Variants in MCOLN2 observed in about 807,000 individuals in gnomAD.
MCOLN2 encodes mucolipin TRP cation channel 2.
In MCOLN2, 57 loss-of-function variants were observed where a neutral mutation model predicts 67.5. That is an observed-to-expected ratio of 0.84 (90% confidence interval 0.68 to 1.05). MCOLN2 has a LOEUF of 1.05. Among genes scored for constraint, MCOLN2 ranks in the 50% least tolerant of loss-of-function variants. The pLI, the probability that MCOLN2 is intolerant of heterozygous loss-of-function variation, is 0.00. For missense variants in MCOLN2, 620 were observed against 678.8 expected, an observed-to-expected ratio of 0.91 and a Z score of 0.96; for synonymous variants, 246 against 233.3, an observed-to-expected ratio of 1.05 and a Z score of -0.50.
intron 11 of MCOLN2, among the ~76,000 whole-genome samples, chr1:84,934,023 C>G (rs1647297308): frequency 6.6e-6 from 1 of 152,160 alleles, no homozygotes. Flanking sequence ...TAGAAGTGAG[C>G]TTAAAAATAC....
In MCOLN2 at chr1:84,996,393, C is replaced by CATATATATATATATAT. The variant is rs6143310; in HGVS notation, c.77+387_77+402dup. Reference sequence around the variant, plus strand: ...CACACTTACACATACGTATATATTTCATATATATATATATATATATATATA... The same window carrying CATATATATATATATAT: ...CACACTTACACATACGTATATATTTCATATATATATATATATATATATATATATATATATATATATA... On this transcript the variant is annotated intron_variant, in intron 1 of 13. Transcript: ENST00000370608. Among the ~76,000 whole-genome samples, 296 of 123,730 alleles carry CATATATATATATATAT rather than the reference C, an allele frequency of 2.4e-3. 7 individuals carry two copies. The highest frequency in any genetic ancestry group is 4.2e-3 in the Middle Eastern group (1 of 236). The allele number at this position is 123,730 out of a possible 152,430, so 81.2% of individuals were successfully genotyped here.
At chr1:84,941,055 A>C (rs2102816589) in intron 7 of MCOLN2, 64 bp from the exon 8 acceptor site, 1 of 1,039,352 alleles carries the variant, frequency 9.6e-7, no homozygotes, top group East Asian at 2.6e-5. Flanking sequence ...TCCAAACAAA[A>C]TGGCAGTGTG....
At chr1:84,930,853 A>G (rs962583375) in intron 12 of MCOLN2, among the ~76,000 whole-genome samples, 16 of 152,208 alleles carry the variant, frequency 1.1e-4, no homozygotes, top group Admixed American at 9.2e-4. Context: ...TAAATGGCCT[A>G]GTCTGAAAGG....
chr1:84,940,801 A>G (rs779042923), intron 8 of MCOLN2, 78 bp downstream of exon 8: 14 of 870,984 alleles, frequency 1.6e-5, no homozygotes, highest in Admixed American at 2.5e-5. Flanking sequence ...GCAGGTGCAC[A>G]ATATCGGTGG....
At chr1:84,965,412 C>A in intron 2 of MCOLN2, 137 bp downstream of exon 2, 1 of 853,132 alleles carries the variant, frequency 1.2e-6, no homozygotes, top group Non-Finnish European at 1.8e-6. Context: ...CTAGCCTCTG[C>A]TCTCCAGAGT....
intron 8 of MCOLN2, 115 bp downstream of exon 8, chr1:84,940,758 GGAATCT>G (rs1647722353): frequency 3.2e-6 from 2 of 627,896 alleles, no homozygotes; most frequent in Non-Finnish European, 5.7e-6. Flanking sequence ...ACTACTCAAA[GGAATCT>G]GATTTAGTCA....
At chr1:84,995,070 C>T (rs1651081432) in intron 1 of MCOLN2, among the ~76,000 whole-genome samples, 1 of 152,110 alleles carries the variant, frequency 6.6e-6, no homozygotes, top group South Asian at 2.1e-4. Context: ...AGTCAGAACA[C>T]ATACAACATT....
intron 1 of MCOLN2, among the ~76,000 whole-genome samples, chr1:84,996,393 CATAT>C (rs6143310): frequency 0.013 from 1,613 of 123,718 alleles, 53 homozygotes; most frequent in African/African-American, 0.048. Flanking sequence ...GTATATATTT[CATAT>C]ATATATATAT....
At chr1:84,945,196 A>G (rs1254277738) in intron 7 of MCOLN2, among the ~76,000 whole-genome samples, 9 of 152,206 alleles carry the variant, frequency 5.9e-5, no homozygotes, top group African/African-American at 2.2e-4. Flanking sequence ...GGAGGGCAGC[A>G]GGCGGAAGGA....
intron 11 of MCOLN2, among the ~76,000 whole-genome samples, chr1:84,933,317 C>T (rs927573965): frequency 7.2e-5 from 11 of 152,092 alleles, no homozygotes; most frequent in African/African-American, 1.4e-4. Context: ...CTACCAGCCA[C>T]GTGGCTGGAC....
intron 8 of MCOLN2, 119 bp downstream of exon 8, chr1:84,940,760 A>T: frequency 1.6e-6 from 1 of 631,504 alleles, no homozygotes; most frequent in Non-Finnish European, 2.8e-6. Flanking sequence ...TACTCAAAGG[A>T]ATCTGATTTA....
intron 1 of MCOLN2, among the ~76,000 whole-genome samples, chr1:84,992,953 A>T (rs1256999368): frequency 6.6e-6 from 1 of 152,200 alleles, no homozygotes; most frequent in Non-Finnish European, 1.5e-5. Context: ...AGTCTGATAT[A>T]TCAATTAACT....
At chr1:84,983,878 T>C (rs1160830595) in intron 1 of MCOLN2, among the ~76,000 whole-genome samples, 14 of 152,060 alleles carry the variant, frequency 9.2e-5, no homozygotes, top group Non-Finnish European at 1.8e-4. Context: ...GGTTTCACCA[T>C]GTTGGCCAAG....
chr1:84,988,437 A>G (rs1042497249), intron 1 of MCOLN2, among the ~76,000 whole-genome samples: 3 of 152,196 alleles, frequency 2.0e-5, no homozygotes, highest in African/African-American at 7.2e-5. Context: ...TGAACTGGGC[A>G]TCAAGATTTT....
chr1:84,954,339 A>T, intron 4 of MCOLN2, among the ~76,000 whole-genome samples: 1 of 152,206 alleles, frequency 6.6e-6, no homozygotes, highest in East Asian at 1.9e-4. Context: ...TCCTGACTAG[A>T]CCTTAATTAG....
intron 13 of MCOLN2, among the ~76,000 whole-genome samples, chr1:84,928,435 T>A (rs1306522495): frequency 6.6e-6 from 1 of 152,190 alleles, no homozygotes; most frequent in African/African-American, 2.4e-5. Flanking sequence ...TAGGGCTGCA[T>A]GACAAAACAT....
At chr1:84,965,469 A>G in intron 2 of MCOLN2, 80 bp downstream of exon 2, 1 of 1,468,394 alleles carries the variant, frequency 6.8e-7, no homozygotes, top group Non-Finnish European at 9.2e-7. Flanking sequence ...TTTTCAGAAC[A>G]AAAGTCAAGT....
chr1:84,991,764 G>A (rs1013353215), intron 1 of MCOLN2, among the ~76,000 whole-genome samples: 1 of 152,104 alleles, frequency 6.6e-6, no homozygotes, highest in Non-Finnish European at 1.5e-5. Context: ...AGCAGAACTA[G>A]GGCTGCATAC....
chr1:84,937,825 G>A lies in MCOLN2; in HGVS notation c.1265C>T (p.Ala422Val). 1 of 1,614,156 alleles carries A rather than the reference G, an allele frequency of 6.2e-7. No individual in the cohort carries two copies. The highest frequency in any genetic ancestry group is 1.3e-5 in the African/African-American group (1 of 75,024). The change falls in exon 11 of 14, where the codon GCT becomes GTT. Residue 422 changes from alanine to valine, a missense_variant. Physicochemically the swap from Ala to Val is moderately conservative, Grantham distance 64. Coordinates refer to ENST00000370608, the MANE Select transcript of MCOLN2 (RefSeq NM_153259.4). ...ACCCAGATAAATCATACCAGCACAA[G>A]CACAAAACCGAAGAACTTTTGGCAG... The part of the protein sequence containing the change: ...ASLPKVLRFC[A>V]CAGMIYLGYT...
Sources: gnomAD v4.1 joint callset for allele counts (sites outside exome capture counted in the v4.1 genomes callset) on GRCh38, gnomAD v4.1.1 for gene constraint, MANE v1.5 for transcripts, NCBI Gene and HGNC (gene_info 2026-07-23, HGNC 2026-07-21) for gene names.